Variants in TRPM8 observed in about 807,000 individuals in gnomAD.
The protein encoded by TRPM8 is TRPM8 cationic channel.
TRPM8 carries 110 observed loss-of-function variants against 133.7 expected under a neutral mutation model. That is an observed-to-expected ratio of 0.82 (90% confidence interval 0.70 to 0.96). TRPM8 has a LOEUF of 0.96. TRPM8 is among the 40% of genes least tolerant of loss of function. The pLI is 0.00. For missense variants in TRPM8, 1,291 were observed against 1,379.5 expected (o/e 0.94, Z 1.02); for synonymous variants, 535 against 532.3 (o/e 1.01, Z -0.07).
intron 5 of TRPM8, among the ~76,000 whole-genome samples, chr2:233,940,472 A>T (rs1690878765): frequency 6.6e-6 from 1 of 152,196 alleles, no homozygotes; most frequent in Non-Finnish European, 1.5e-5. Flanking sequence ...ACATACACTT[A>T]TTGGATGCCT....
intron 1 of TRPM8, among the ~76,000 whole-genome samples, chr2:233,919,704 T>A (rs1449040518): frequency 6.6e-6 from 1 of 152,030 alleles, no homozygotes; most frequent in Non-Finnish European, 1.5e-5. Flanking sequence ...GTACAGTGCC[T>A]GGCACATAAT....
At position 233,983,038 on chromosome 2, in the gene TRPM8, G is replaced by A; in HGVS notation, c.2590-15G>A. On this transcript the variant is annotated splice_polypyrimidine_tract_variant and intron_variant, in intron 19 of 25. Coordinates refer to ENST00000324695, the MANE Select transcript of TRPM8 (RefSeq NM_024080.5). The stretch of plus-strand genomic sequence containing the variant: ...GGCACGGTCCTGACTCCGCTCTCCT[G>A]TCCTCCCCTGACAGCTGATCGATGT... 1 of 1,607,968 alleles carries A rather than the reference G, an allele frequency of 6.2e-7. No homozygotes were observed. Among genetic ancestry groups the A allele is most frequent in the Non-Finnish European group, 8.5e-7 (1 of 1,175,204 alleles).
At chr2:233,928,607 A>T (rs1046776440) in intron 2 of TRPM8, among the ~76,000 whole-genome samples, 1 of 152,256 alleles carries the variant, frequency 6.6e-6, no homozygotes, top group African/African-American at 2.4e-5. Context: ...AAAAATTACA[A>T]GTAAAAATGG....
At chr2:233,957,779 C>G (rs1574723638) in intron 11 of TRPM8, among the ~76,000 whole-genome samples, 1 of 152,140 alleles carries the variant, frequency 6.6e-6, no homozygotes, top group South Asian at 2.1e-4. Context: ...GTAGCTGAAA[C>G]TTGGCGACAA....
At chr2:234,000,751 T>C (rs1019872451) in intron 22 of TRPM8, among the ~76,000 whole-genome samples, 1 of 151,700 alleles carries the variant, frequency 6.6e-6, no homozygotes, top group Non-Finnish European at 1.5e-5. Context: ...CAGTCTCGGC[T>C]CTCTGAAACC....
At chr2:233,943,715 T>G (rs1690973798) in intron 6 of TRPM8, among the ~76,000 whole-genome samples, 4 of 152,194 alleles carry the variant, frequency 2.6e-5, no homozygotes, top group Admixed American at 2.6e-4. Flanking sequence ...GGGTTTTGTA[T>G]CAAGTGTAGA....
chr2:234,008,047 C>T (rs201538988), intron 23 of TRPM8, 23 bp from the exon 24 acceptor site: 61 of 1,607,414 alleles, frequency 3.8e-5, no homozygotes, highest in Non-Finnish European at 4.7e-5. Flanking sequence ...TGTTCACTTT[C>T]TTTTTCATTA....
At chr2:233,972,843 G>C (rs1000638633) in intron 17 of TRPM8, among the ~76,000 whole-genome samples, 2 of 152,150 alleles carry the variant, frequency 1.3e-5, no homozygotes, top group East Asian at 3.9e-4. Flanking sequence ...TCCCGCTCAC[G>C]CCACTCCTTC....
intron 22 of TRPM8, among the ~76,000 whole-genome samples, chr2:233,997,171 G>A (rs1309213143): frequency 6.6e-6 from 1 of 152,166 alleles, no homozygotes; most frequent in Non-Finnish European, 1.5e-5. Context: ...CTACTCGGGA[G>A]GCTGAGGCAG....
chr2:233,954,170 C>T, intron 10 of TRPM8, 151 bp downstream of exon 10: 1 of 520,910 alleles, frequency 1.9e-6, no homozygotes. Flanking sequence ...AATAACTACG[C>T]TTGTCCTGGT....
At position 233,955,124 on chromosome 2, in the gene TRPM8, T is replaced by C; in HGVS notation, c.1244-8T>C. 6.2e-7 allele frequency: 1 copy of C among 1,609,262 alleles called. No homozygotes were observed. Among genetic ancestry groups the C allele is most frequent in the Non-Finnish European group, 8.5e-7 (1 of 1,175,926 alleles). ...TGGTGAGTTGAGTCTTTTCCTGCCC[T>C]CTCACAGCCTTCAGCACCAGTGAGC... On this transcript the variant is annotated splice_region_variant and splice_polypyrimidine_tract_variant and intron_variant, in intron 10 of 25. Transcript: ENST00000324695.
intron 22 of TRPM8, among the ~76,000 whole-genome samples, chr2:234,001,801 G>A (rs975622202): frequency 1.3e-5 from 2 of 152,220 alleles, no homozygotes; most frequent in African/African-American, 4.8e-5. Context: ...CACTTGGTGG[G>A]AGCTGGACCA....
At chr2:233,971,361 C>G (rs1265839581) in intron 17 of TRPM8, among the ~76,000 whole-genome samples, 1 of 152,162 alleles carries the variant, frequency 6.6e-6, no homozygotes, top group Admixed American at 6.5e-5. Flanking sequence ...TCTAGCCGTC[C>G]TGGGTTGAGA....
chr2:233,921,479 T>G (rs899794695), intron 1 of TRPM8, among the ~76,000 whole-genome samples: 1 of 152,200 alleles, frequency 6.6e-6, no homozygotes, highest in South Asian at 2.1e-4. Flanking sequence ...AGGATCCAAT[T>G]AAAAGAGTTT....
chr2:233,978,891 T>C (rs1422363666), intron 17 of TRPM8, among the ~76,000 whole-genome samples: 3 of 152,162 alleles, frequency 2.0e-5, no homozygotes, highest in Non-Finnish European at 4.4e-5. Context: ...TTCGAATTTA[T>C]AAATGAAGGA....
intron 11 of TRPM8, 60 bp from the exon 12 acceptor site, chr2:233,960,716 G>C: frequency 2.8e-6 from 4 of 1,439,160 alleles, no homozygotes; most frequent in South Asian, 2.5e-5. Flanking sequence ...AAAATGCCTA[G>C]TGCTTTCCTT....
In TRPM8 at chr2:233,984,587, G is replaced by GT. The variant is rs928785203; in HGVS notation, c.2762-1095dup. Among the ~76,000 whole-genome samples the GT allele has an allele frequency of 6.2e-4, 95 of 152,146 alleles. 1 individual carries two copies. Among genetic ancestry groups the GT allele is most frequent in the African/African-American group, 2.2e-3 (93 of 41,512 alleles). ...TCTCCTAAATGTTTTTTTGAAATCT[G>GT]TTTTTTCCATCACCACTGCCGCCCC... On this transcript the variant is annotated intron_variant, in intron 20 of 25. Transcript: ENST00000324695.
chr2:233,967,006 A>G (rs1691593694), intron 15 of TRPM8, among the ~76,000 whole-genome samples: 1 of 152,196 alleles, frequency 6.6e-6, no homozygotes, highest in Non-Finnish European at 1.5e-5. Context: ...CATCATAATT[A>G]TGAGCTGTGT....
At chr2:233,944,786 T>A (rs891633023) in intron 6 of TRPM8, among the ~76,000 whole-genome samples, 1 of 152,202 alleles carries the variant, frequency 6.6e-6, no homozygotes, top group Non-Finnish European at 1.5e-5. Context: ...TCTTTAATCA[T>A]AATAACAAAA....
Sources: allele counts gnomAD v4.1 joint callset (sites outside exome capture counted in the v4.1 genomes callset), GRCh38; gene constraint gnomAD v4.1.1; transcripts MANE v1.5; gene names NCBI Gene and HGNC (gene_info 2026-07-23, HGNC 2026-07-21).